Variants in HS6ST3 observed in about 807,000 individuals in gnomAD.
HS6ST3 encodes heparan sulfate 6-O-sulfotransferase 3.
A neutral mutation model predicts 36.7 loss-of-function variants in HS6ST3; 12 were observed. That is an observed-to-expected ratio of 0.33 (90% CI 0.21 to 0.53). The LOEUF (loss-of-function observed/expected upper bound fraction) is 0.53, where lower values mean the gene tolerates loss of function less well. HS6ST3 is among the 20% of genes least tolerant of loss of function. The pLI is 0.95. For missense variants in HS6ST3, 584 were observed against 640.9 expected (o/e 0.91, Z 0.96); for synonymous variants, 240 against 257.5 (o/e 0.93, Z 0.65).
chr13:96,665,834 GTTA>G (rs761250256), intron 1 of HS6ST3, among the ~76,000 whole-genome samples: 2 of 152,142 alleles, frequency 1.3e-5, no homozygotes, highest in Non-Finnish European at 2.9e-5. Flanking sequence ...GGTAGCTCTA[GTTA>G]TTATTACCTC....
chr13:96,431,487 ATCT>A (rs907179475), intron 1 of HS6ST3, among the ~76,000 whole-genome samples: 4 of 152,096 alleles, frequency 2.6e-5, no homozygotes, highest in African/African-American at 9.7e-5. Flanking sequence ...TCTCCCTCAC[ATCT>A]TCTTCTTCTG....
intron 1 of HS6ST3, among the ~76,000 whole-genome samples, chr13:96,592,655 G>A (rs1333023827): frequency 6.6e-6 from 1 of 151,896 alleles, no homozygotes; most frequent in Non-Finnish European, 1.5e-5. Flanking sequence ...TATTTGATCT[G>A]GGAAAGTATT....
intron 1 of HS6ST3, among the ~76,000 whole-genome samples, chr13:96,502,663 T>C (rs1311422171): frequency 2.0e-5 from 3 of 152,160 alleles, no homozygotes; most frequent in Admixed American, 2.0e-4. Flanking sequence ...TTTATGTAGG[T>C]GGCTGTATGC....
intron 1 of HS6ST3, among the ~76,000 whole-genome samples, chr13:96,694,381 G>A (rs528193014): frequency 5.3e-5 from 8 of 152,090 alleles, no homozygotes; most frequent in Non-Finnish European, 1.0e-4. Context: ...TCCATGGTGT[G>A]TATGTACCAC....
rs574793689 is a variant in HS6ST3, at chr13:96,696,569, G to A, written c.708-135921G>A. On this transcript the variant is annotated intron_variant, in intron 1 of 1. Coordinates refer to ENST00000376705, the MANE Select transcript of HS6ST3 (RefSeq NM_153456.4). ...GAGGAAGGGGCTGACCGGCCTGGCC[G>A]ATCCCCAGGAACAGTGTTCAGGCAG... Among the ~76,000 whole-genome samples the A allele has an allele frequency of 5.9e-5, 9 of 152,290 alleles. No homozygotes were observed. The East Asian group carries it at 1.7e-3, about 29-fold the overall frequency.
At chr13:96,354,928 C>T (rs11616238) in intron 1 of HS6ST3, among the ~76,000 whole-genome samples, 2,572 of 152,184 alleles carry the variant, frequency 0.017, 28 homozygotes, top group East Asian at 0.055. Flanking sequence ...CCCCAACTAC[C>T]TAAATTATAT....
intron 1 of HS6ST3, among the ~76,000 whole-genome samples, chr13:96,819,304 C>G (rs1339745346): frequency 6.6e-6 from 1 of 152,194 alleles, no homozygotes; most frequent in Non-Finnish European, 1.5e-5. Flanking sequence ...TTATTTACCT[C>G]CAGACTGAAG....
chr13:96,150,694 C>T (rs1485094492), intron 1 of HS6ST3, among the ~76,000 whole-genome samples: 5 of 152,072 alleles, frequency 3.3e-5, no homozygotes, highest in Non-Finnish European at 5.9e-5. Context: ...TTCCTGTCGC[C>T]GTAGGTCCCC....
chr13:96,545,213 A>G (rs2056193279), intron 1 of HS6ST3, among the ~76,000 whole-genome samples: 2 of 152,286 alleles, frequency 1.3e-5, no homozygotes, highest in East Asian at 1.9e-4. Flanking sequence ...CATTTCTGCT[A>G]CTTATCTGGA....
At chr13:96,103,472 A>G (rs2053827106) in intron 1 of HS6ST3, among the ~76,000 whole-genome samples, 1 of 152,202 alleles carries the variant, frequency 6.6e-6, no homozygotes, top group Admixed American at 6.5e-5. Flanking sequence ...GCTGTCAAAC[A>G]AATGTTGACT....
chr13:96,774,650 T>C (rs1210979490), intron 1 of HS6ST3, among the ~76,000 whole-genome samples: 2 of 151,926 alleles, frequency 1.3e-5, no homozygotes, highest in African/African-American at 4.8e-5. Flanking sequence ...TGAAAAGGAA[T>C]GAACAAAGCC....
At chr13:96,700,826 A>T (rs1268355345) in intron 1 of HS6ST3, among the ~76,000 whole-genome samples, 1 of 152,190 alleles carries the variant, frequency 6.6e-6, no homozygotes, top group Non-Finnish European at 1.5e-5. Context: ...AATAGATGGC[A>T]CACTTCCTCT....
intron 1 of HS6ST3, among the ~76,000 whole-genome samples, chr13:96,413,263 T>C (rs1156469818): frequency 2.0e-5 from 3 of 152,194 alleles, no homozygotes; most frequent in Non-Finnish European, 4.4e-5. Context: ...ATTAGATAGA[T>C]TGTTTCTTGA....
chr13:96,513,699 G>A (rs3848009), intron 1 of HS6ST3, among the ~76,000 whole-genome samples: 110,857 of 151,806 alleles, frequency 0.73, 42,275 homozygotes, highest in Non-Finnish European at 0.83. Flanking sequence ...GCTTAAAAAT[G>A]GAGATACTTT....
intron 1 of HS6ST3, among the ~76,000 whole-genome samples, chr13:96,619,125 A>T (rs184697855): frequency 3.3e-5 from 5 of 152,294 alleles, no homozygotes; most frequent in Non-Finnish European, 7.4e-5. Flanking sequence ...CAATGATTAC[A>T]GTAATTGAAC....
intron 1 of HS6ST3, among the ~76,000 whole-genome samples, chr13:96,429,224 C>G (rs2055602414): frequency 6.6e-6 from 1 of 152,084 alleles, no homozygotes; most frequent in Non-Finnish European, 1.5e-5. Flanking sequence ...GCTTAAGTGA[C>G]AATGAATGAG....
At chr13:96,802,683 A>T (rs938837235) in intron 1 of HS6ST3, among the ~76,000 whole-genome samples, 6 of 152,190 alleles carry the variant, frequency 3.9e-5, no homozygotes, top group African/African-American at 1.4e-4. Flanking sequence ...TTCTCCTTGG[A>T]AACAAGTTGC....
chr13:96,371,630 C>T lies in HS6ST3; in HGVS notation c.707+280061C>T, dbSNP rs1207391838. ...CTAACATGTCCCCATTTCCCCCACT[C>T]CCAGACCCTGGAAACCACCATTCTG... On this transcript the variant is annotated intron_variant, in intron 1 of 1. Coordinates refer to ENST00000376705, the MANE Select transcript of HS6ST3 (RefSeq NM_153456.4). Among the ~76,000 whole-genome samples, 6 of 152,292 alleles carry T rather than the reference C, an allele frequency of 3.9e-5. No individual in the cohort carries two copies. In the South Asian group the frequency reaches 1.2e-3, roughly 32 times the overall value.
chr13:96,470,502 C>T (rs1162393498), intron 1 of HS6ST3, among the ~76,000 whole-genome samples: 2 of 152,120 alleles, frequency 1.3e-5, no homozygotes, highest in Non-Finnish European at 2.9e-5. Flanking sequence ...CAAGATATGT[C>T]ATTCTGTGTC....
Sources: allele counts gnomAD v4.1 joint callset (sites outside exome capture counted in the v4.1 genomes callset), GRCh38; gene constraint gnomAD v4.1.1; transcripts MANE v1.5; gene names NCBI Gene and HGNC (gene_info 2026-07-23, HGNC 2026-07-21).